The following CSMD2 variants were observed in gnomAD, a reference collection of about 807,000 sequenced individuals.
CSMD2 encodes the protein CUB and sushi domain-containing protein 2.
Under a neutral mutation model 398.5 loss-of-function variants are expected in CSMD2, and 130 were observed. That is an observed-to-expected ratio of 0.33 (90% CI 0.28 to 0.38). CSMD2 has a LOEUF of 0.38. Ranked by LOEUF, CSMD2 falls within the 10% of genes least tolerant of loss-of-function variation. The pLI, the probability that CSMD2 is intolerant of heterozygous loss-of-function variation, is 1.00. For missense variants in CSMD2, 3,829 were observed against 4,764.9 expected (o/e 0.80, Z 5.78); for synonymous variants, 1,828 against 1,908.5 (o/e 0.96, Z 1.10).
intron 2 of CSMD2, among the ~76,000 whole-genome samples, chr1:34,044,674 A>G (rs573623110): frequency 1.3e-5 from 2 of 152,312 alleles, no homozygotes; most frequent in African/African-American, 4.8e-5. Context: ...TCCGAGGGTG[A>G]TCTATGCATG....
In CSMD2 at chr1:33,616,910, A is replaced by G. The variant is rs779959434; in HGVS notation, c.6012T>C (p.Cys2004=). ...VRRWNYPPPL[C]IAQCGGTVEE... Reference sequence around the variant, plus strand: ...GTAAAGTCTGGGCTGTCTTACCAATACAGAGTGGAGGAGGGTAGTTCCATC... The same window carrying G: ...GTAAAGTCTGGGCTGTCTTACCAATGCAGAGTGGAGGAGGGTAGTTCCATC... Residue 2004 remains cysteine (C), a synonymous_variant, in exon 39 of 71, where the codon TGT becomes TGC. Transcript: ENST00000373381. 1.2e-6 allele frequency: 2 copies of G among 1,613,818 alleles called. No homozygotes were observed. Among genetic ancestry groups the G allele is most frequent in the Admixed American group, 1.7e-5 (1 of 60,008 alleles).
At chr1:33,647,827 G>A (rs374974497) in intron 28 of CSMD2, among the ~76,000 whole-genome samples, 19 of 152,338 alleles carry the variant, frequency 1.2e-4, no homozygotes, top group African/African-American at 4.3e-4. Context: ...CACGAAGGGA[G>A]GGGATGATAA....
rs1658380796 is a variant in CSMD2 at position 33,559,831 on chromosome 1, C to CAA, written c.8381-360_8381-359dup. ...CTTAATTGCTGGGTATACTGATGGCCAACTGTCAGCTGGTTTAGGCCCATC... is the reference window on the plus strand; with the variant it reads ...CTTAATTGCTGGGTATACTGATGGCCAAAACTGTCAGCTGGTTTAGGCCCATC... On this transcript the variant is annotated intron_variant, in intron 53 of 70. Transcript: ENST00000373381. This position sits in a 1 kb window ranked among gnomAD's most constrained non-coding sequence, Gnocchi z 4.0. Among the ~76,000 whole-genome samples the CAA allele has an allele frequency of 6.6e-6, 1 of 152,046 alleles. No homozygotes were observed. The highest frequency in any genetic ancestry group is 2.4e-5 in the African/African-American group (1 of 41,398).
rs868571395 is a variant in CSMD2 at position 34,088,796 on chromosome 1, C to T, written c.404+181G>A. On this transcript the variant is annotated intron_variant, in intron 2 of 70. Transcript: ENST00000373381. Reference sequence around the variant, plus strand: ...CAAATGTCCTACTCATCAATCCTCCCAACCGGAAACCTCTAAGCAAGAGAC... The same window carrying T: ...CAAATGTCCTACTCATCAATCCTCCTAACCGGAAACCTCTAAGCAAGAGAC... Among the ~76,000 whole-genome samples, 13 of 152,322 alleles carry T rather than the reference C, an allele frequency of 8.5e-5. No individual in the cohort carries two copies. Among genetic ancestry groups the T allele is most frequent in the African/African-American group, 1.7e-4 (7 of 41,568 alleles).
chr1:34,162,859 T>TA (rs200180859), intron 1 of CSMD2, among the ~76,000 whole-genome samples: 2,531 of 151,934 alleles, frequency 0.017, 75 homozygotes, highest in African/African-American at 0.058. Context: ...AACTCCGTCT[T>TA]AAAAAAAATT....
At chr1:33,906,976 G>A (rs1435750501) in intron 5 of CSMD2, among the ~76,000 whole-genome samples, 1 of 152,062 alleles carries the variant, frequency 6.6e-6, no homozygotes, top group East Asian at 1.9e-4. Flanking sequence ...AGAGCCCCCA[G>A]AGGAGAAAAT....
chr1:33,634,382 C>A (rs768169673), intron 31 of CSMD2, among the ~76,000 whole-genome samples: 1 of 152,236 alleles, frequency 6.6e-6, no homozygotes, highest in African/African-American at 2.4e-5. Flanking sequence ...CCCATCCTGT[C>A]TTGGGGAATA....
Position 33,521,500 on chromosome 1 carries a change from C to T in CSMD2, c.10560G>A (p.Lys3520=), listed in dbSNP as rs1172869485. 6 of 1,613,904 alleles carry T rather than the reference C, an allele frequency of 3.7e-6. No individual in the cohort carries two copies. In the East Asian group the frequency reaches 1.1e-4, roughly 30 times the overall value. ...GATFIYQGSV[K]GQGFGQFGFQ... ...AGCCGAACTGCCCAAAGCCTTGGCCCTTGACAGAGCCTTGGTAGATGAAGG... is the reference window on the plus strand; with the variant it reads ...AGCCGAACTGCCCAAAGCCTTGGCCTTTGACAGAGCCTTGGTAGATGAAGG... Residue 3520 remains lysine, a synonymous_variant, in exon 68 of 71, where the codon AAG becomes AAA. Coordinates refer to ENST00000373381, the MANE Select transcript of CSMD2 (RefSeq NM_001281956.2).
chr1:33,769,669 A>C (rs1557866044), intron 13 of CSMD2, among the ~76,000 whole-genome samples: 1 of 152,204 alleles, frequency 6.6e-6, no homozygotes, highest in Non-Finnish European at 1.5e-5. Context: ...TATTCTTGGC[A>C]GGGTAATTCC....
At chr1:33,608,660 C>T (rs917929855) in intron 41 of CSMD2, among the ~76,000 whole-genome samples, 1 of 152,108 alleles carries the variant, frequency 6.6e-6, no homozygotes, top group African/African-American at 2.4e-5. Flanking sequence ...ACATGAAGAG[C>T]ACCATGTGAA....
chr1:34,165,357 C>G, upstream of CSMD2: 3 of 1,239,068 alleles, frequency 2.4e-6, no homozygotes, highest in Non-Finnish European at 1.0e-6. Context: ...TTAATCACTC[C>G]GGAGCCGCTT....
chr1:33,663,855 A>G (rs1170712440), intron 25 of CSMD2, among the ~76,000 whole-genome samples: 1 of 152,176 alleles, frequency 6.6e-6, no homozygotes, highest in African/African-American at 2.4e-5. Flanking sequence ...ATAATTTTAG[A>G]CTTACAGAAA....
intron 3 of CSMD2, among the ~76,000 whole-genome samples, chr1:33,961,919 C>T (rs1558165726): frequency 6.6e-6 from 1 of 152,174 alleles, no homozygotes. Context: ...CCCAGCCTCA[C>T]ATATTCCTTT....
rs910879597 is a variant in CSMD2, at chr1:33,665,319, G to A, written c.4053-2227C>T. Among the ~76,000 whole-genome samples the A allele has an allele frequency of 3.9e-5, 6 of 152,018 alleles. No individual in the cohort carries two copies. The East Asian group carries it at 7.7e-4, about 20-fold the overall frequency. On this transcript the variant is annotated intron_variant, in intron 25 of 70. Coordinates refer to ENST00000373381, the MANE Select transcript of CSMD2 (RefSeq NM_001281956.2). ...TGATTAATTTTATGTAACCAAATAC[G>A]TTAATATTTTCCTTTAAGGATACTG...
intron 3 of CSMD2, among the ~76,000 whole-genome samples, chr1:34,010,055 G>T (rs1038249061): frequency 2.6e-5 from 4 of 152,112 alleles, no homozygotes; most frequent in Admixed American, 6.5e-5. Flanking sequence ...GCTCTCCATT[G>T]TCTACAGGAC....
intron 1 of CSMD2, among the ~76,000 whole-genome samples, chr1:34,136,230 A>G (rs569439981): frequency 6.6e-6 from 1 of 152,314 alleles, no homozygotes; most frequent in East Asian, 1.9e-4. Flanking sequence ...TTTCAAAATA[A>G]ATTACTTATT....
chr1:34,088,544 C>G (rs529654811), intron 2 of CSMD2, among the ~76,000 whole-genome samples: 15 of 152,322 alleles, frequency 9.8e-5, no homozygotes, highest in Admixed American at 3.3e-4. Flanking sequence ...CATCCACAAC[C>G]AAGGCCTTGG....
At chr1:33,875,849 G>A (rs992000850) in intron 5 of CSMD2, among the ~76,000 whole-genome samples, 35 of 152,180 alleles carry the variant, frequency 2.3e-4, no homozygotes, top group African/African-American at 8.2e-4. Context: ...TTTGAATAAT[G>A]TTCTTGTTTT....
At chr1:34,055,484 G>A (rs1653726391) in intron 2 of CSMD2, among the ~76,000 whole-genome samples, 1 of 152,056 alleles carries the variant, frequency 6.6e-6, no homozygotes, top group Admixed American at 6.6e-5. Flanking sequence ...CTGACCAACT[G>A]GCTGTAAAGC....
Sources: gnomAD v4.1 joint callset for allele counts (sites outside exome capture counted in the v4.1 genomes callset) on GRCh38, gnomAD v4.1.1 for gene constraint, Gnocchi (gnomAD v3.1) non-coding constraint, MANE v1.5 for transcripts, NCBI Gene and HGNC (gene_info 2026-07-23, HGNC 2026-07-21) for gene names.